The following PCDHA2 variants were observed in gnomAD, a reference collection of about 807,000 sequenced individuals.
PCDHA2 encodes the protein protocadherin alpha 2.
Under a neutral mutation model 66.0 loss-of-function variants are expected in PCDHA2, and 58 were observed. The observed-to-expected ratio is 0.88, with a 90% CI of 0.71 to 1.09. The LOEUF (loss-of-function observed/expected upper bound fraction) is 1.09. PCDHA2 is among the 50% of genes least tolerant of loss of function. The pLI, the probability that PCDHA2 is intolerant of heterozygous loss-of-function variation, is 0.00. For missense variants in PCDHA2, 1,267 were observed against 1,242.3 expected, an observed-to-expected ratio of 1.02 and a Z score of -0.30; for synonymous variants, 634 against 554.0, an observed-to-expected ratio of 1.14 and a Z score of -2.03.
intron 3 of PCDHA2, among the ~76,000 whole-genome samples, chr5:140,994,608 G>C (rs1231327885): frequency 1.3e-5 from 2 of 152,098 alleles, no homozygotes; most frequent in Admixed American, 1.3e-4. Context: ...GGGAGGCTGA[G>C]GCACGAGAGT....
At chr5:140,927,295 G>T (rs1343982131) in intron 1 of PCDHA2, 2 of 1,614,032 alleles carry the variant, frequency 1.2e-6, no homozygotes, top group African/African-American at 2.7e-5. Context: ...GCACATCCCC[G>T]AGTTCCTGAC....
intron 1 of PCDHA2, among the ~76,000 whole-genome samples, chr5:140,922,023 T>TA (rs530025575): frequency 3.9e-5 from 6 of 151,968 alleles, no homozygotes; most frequent in African/African-American, 1.4e-4. Flanking sequence ...AAAATAAATA[T>TA]AAAAAATGTA....
At chr5:140,830,041 G>C in intron 1 of PCDHA2, 1 of 1,613,848 alleles carries the variant, frequency 6.2e-7, no homozygotes, top group East Asian at 2.2e-5. Flanking sequence ...TGCTGGTGCT[G>C]GTGAAAGACC....
At chr5:140,842,000 C>G in intron 1 of PCDHA2, 1 of 1,613,786 alleles carries the variant, frequency 6.2e-7, no homozygotes, top group Non-Finnish European at 8.5e-7. Context: ...AGGCACTGTT[C>G]AGCTGCTGGT....
chr5:140,957,113 G>A (rs1554222808), intron 1 of PCDHA2, among the ~76,000 whole-genome samples: 2 of 152,086 alleles, frequency 1.3e-5, no homozygotes, highest in Admixed American at 6.6e-5. Flanking sequence ...ACATGATTCT[G>A]TGTGTTTCTT....
At chr5:140,837,629 C>CT (rs2150277750) in intron 1 of PCDHA2, among the ~76,000 whole-genome samples, 8 of 148,948 alleles carry the variant, frequency 5.4e-5, no homozygotes, top group Admixed American at 1.3e-4. Flanking sequence ...TCCTTCCTTC[C>CT]TTCCTTTCTT....
intron 1 of PCDHA2, chr5:140,864,284 T>C (rs573508000): frequency 1.3e-5 from 2 of 152,220 alleles, no homozygotes; most frequent in Non-Finnish European, 2.9e-5. Flanking sequence ...CCTTATTGTT[T>C]TTATGTATTC....
At chr5:140,917,151 G>T (rs974449842) in intron 1 of PCDHA2, among the ~76,000 whole-genome samples, 2 of 152,160 alleles carry the variant, frequency 1.3e-5, no homozygotes, top group Non-Finnish European at 2.9e-5. Flanking sequence ...TGCTGCTGGG[G>T]GATATGGGAG....
At chr5:140,945,142 A>G (rs2093746990) in intron 1 of PCDHA2, among the ~76,000 whole-genome samples, 1 of 152,184 alleles carries the variant, frequency 6.6e-6, no homozygotes. Context: ...AATCAATAGC[A>G]TTTCTATACA....
chr5:140,807,042 T>C, intron 1 of PCDHA2: 1 of 977,290 alleles, frequency 1.0e-6, no homozygotes, highest in Non-Finnish European at 1.5e-6. Flanking sequence ...AAGGGAAAAT[T>C]CCTTCTATTC....
intron 1 of PCDHA2, among the ~76,000 whole-genome samples, chr5:140,886,521 C>A (rs1056353739): frequency 5.9e-5 from 9 of 152,038 alleles, no homozygotes; most frequent in African/African-American, 1.9e-4. Flanking sequence ...TTAAGGTCTG[C>A]ATATTCAGTT....
At chr5:140,968,463 A>G (rs1012242019) in intron 1 of PCDHA2, 6 of 1,613,994 alleles carry the variant, frequency 3.7e-6, no homozygotes, top group Middle Eastern at 1.6e-4. Context: ...GTGACTGCCA[A>G]CGTATATGTG....
chr5:140,960,143 T>C (rs1250145398), intron 1 of PCDHA2, among the ~76,000 whole-genome samples: 1 of 152,208 alleles, frequency 6.6e-6, no homozygotes, highest in Non-Finnish European at 1.5e-5. Context: ...TAGATATTAA[T>C]AGCTTGAGAC....
In PCDHA2 at chr5:140,822,613, T is replaced by C. The variant is rs2150117773; in HGVS notation, c.2388+25261T>C. On this transcript the variant is annotated intron_variant, in intron 1 of 3. Coordinates refer to ENST00000526136, the MANE Select transcript of PCDHA2 (RefSeq NM_018905.3). ...CATCAATAAGGAAATAGTGTATTTCTTTAGTAATCTTGTTCTTGACGATGT... is the reference window on the plus strand; with the variant it reads ...CATCAATAAGGAAATAGTGTATTTCCTTAGTAATCTTGTTCTTGACGATGT... 7.5e-6 allele frequency: 12 copies of C among 1,609,036 alleles called. No individual in the cohort carries two copies. In the East Asian group the frequency reaches 2.7e-4, roughly 36 times the overall value.
chr5:140,829,393 G>A, intron 1 of PCDHA2: 1 of 1,614,050 alleles, frequency 6.2e-7, no homozygotes, highest in African/African-American at 1.3e-5. Flanking sequence ...GCTCGCCTTC[G>A]CTGTGGGCCA....
In PCDHA2 at chr5:140,841,863, A is replaced by T. The variant is rs1288637378; in HGVS notation, c.2388+44511A>T. On this transcript the variant is annotated intron_variant, in intron 1 of 3. Transcript: ENST00000526136. ...AGCTCTCATGATTACTTCATGCTAGATGTGAATTCAAAGAACGATGAGAAT... is the reference window on the plus strand; with the variant it reads ...AGCTCTCATGATTACTTCATGCTAGTTGTGAATTCAAAGAACGATGAGAAT... The T allele has an allele frequency of 9.9e-6, 16 of 1,613,706 alleles. No individual in the cohort carries two copies. In the Admixed American group the frequency reaches 2.7e-4, roughly 27 times the overall value.
chr5:140,808,814 C>G, intron 1 of PCDHA2: 1 of 1,612,774 alleles, frequency 6.2e-7, no homozygotes. Context: ...TGCCGGCGTG[C>G]CACCTCTGGG....
intron 1 of PCDHA2, among the ~76,000 whole-genome samples, chr5:140,909,217 C>T (rs2074379679): frequency 6.6e-6 from 1 of 152,106 alleles, no homozygotes; most frequent in Non-Finnish European, 1.5e-5. Context: ...GTTGATATAC[C>T]CCTGAGGTAG....
chr5:140,996,944 ATATT>A (rs2097754010), intron 3 of PCDHA2, among the ~76,000 whole-genome samples: 1 of 152,144 alleles, frequency 6.6e-6, no homozygotes, highest in Non-Finnish European at 1.5e-5. Flanking sequence ...TTGCATAGAA[ATATT>A]TATTTCCCTC....
Sources: allele counts gnomAD v4.1 joint callset (sites outside exome capture counted in the v4.1 genomes callset), GRCh38; gene constraint gnomAD v4.1.1; transcripts MANE v1.5; gene names NCBI Gene and HGNC (gene_info 2026-07-23, HGNC 2026-07-21).